The following GMCL1 variants were observed in gnomAD, a reference collection of about 807,000 sequenced individuals.
GMCL1 encodes the protein germ cell-less protein-like 1.
Under a neutral mutation model 75.5 loss-of-function variants are expected in GMCL1, and 54 were observed. The observed-to-expected ratio is 0.71, with a 90% CI of 0.57 to 0.90. The LOEUF (loss-of-function observed/expected upper bound fraction) is 0.90. Among genes scored for constraint, GMCL1 ranks in the 40% least tolerant of loss-of-function variants. The pLI, the probability that GMCL1 is intolerant of heterozygous loss-of-function variation, is 0.00. For synonymous variants in GMCL1, 210 were observed against 209.6 expected, an observed-to-expected ratio of 1.00 and a Z score of -0.02; for missense variants, 537 against 622.7, an observed-to-expected ratio of 0.86 and a Z score of 1.47.
At chr2:69,845,858 A>G (rs781429513) in intron 6 of GMCL1, among the ~76,000 whole-genome samples, 2 of 152,166 alleles carry the variant, frequency 1.3e-5, no homozygotes, top group Non-Finnish European at 2.9e-5. Context: ...TTCTGAGACA[A>G]GGATACAAAT....
chr2:69,845,647 T>G (rs1164581571), intron 6 of GMCL1, among the ~76,000 whole-genome samples: 7 of 152,328 alleles, frequency 4.6e-5, no homozygotes, highest in Admixed American at 3.9e-4. Flanking sequence ...GACTGTCCTT[T>G]ATATGTAAAG....
chr2:69,879,008 T>C lies in GMCL1; in HGVS notation c.*4T>C, dbSNP rs187711346. The C allele has an allele frequency of 4.3e-5, 66 of 1,544,884 alleles. No individual in the cohort carries two copies. In the African/African-American group the frequency reaches 7.8e-4, roughly 18 times the overall value. ...ATCACCAGAAAAAAAGAATTGAAAA[T>C]AATCGTCACCCAGAAAATCCAGAAA... On this transcript the variant is annotated 3_prime_UTR_variant, in exon 14 of 14. Transcript: ENST00000282570.
intron 11 of GMCL1, 142 bp downstream of exon 11, chr2:69,865,117 A>G (rs1675773510): frequency 1.7e-6 from 1 of 575,848 alleles, no homozygotes. Flanking sequence ...TCTGCTGGGA[A>G]AGTAGTTACA....
intron 1 of GMCL1, among the ~76,000 whole-genome samples, chr2:69,836,597 G>T (rs965621909): frequency 3.3e-5 from 5 of 152,174 alleles, no homozygotes; most frequent in Admixed American, 3.3e-4. Flanking sequence ...GCCAATTCAG[G>T]ATGTCATCTG....
At chr2:69,873,726 C>G (rs1573375778) in intron 13 of GMCL1, 1 of 168,212 alleles carries the variant, frequency 5.9e-6, no homozygotes, top group African/African-American at 2.4e-5. Flanking sequence ...TTTTTGACCT[C>G]GACATCCACA....
chr2:69,874,203 A>T (rs892615379), intron 13 of GMCL1, among the ~76,000 whole-genome samples: 2 of 152,072 alleles, frequency 1.3e-5, no homozygotes, highest in African/African-American at 4.8e-5. Context: ...TGGTGCATAC[A>T]ATTTTCTAAT....
At chr2:69,866,508 G>A (rs1014735757) in intron 11 of GMCL1, among the ~76,000 whole-genome samples, 3 of 151,908 alleles carry the variant, frequency 2.0e-5, no homozygotes, top group East Asian at 3.9e-4. Flanking sequence ...TCACTGTGTC[G>A]CCCAGGTTGG....
At chr2:69,842,437 C>G (rs1010399278) in intron 4 of GMCL1, among the ~76,000 whole-genome samples, 5 of 152,152 alleles carry the variant, frequency 3.3e-5, no homozygotes, top group Admixed American at 1.3e-4. Flanking sequence ...TCAATACTTA[C>G]TTCCAATAAG....
Position 69,834,872 on chromosome 2 carries a change from G to T in GMCL1, c.261-2675G>T, listed in dbSNP as rs551123255. 2.6e-5 allele frequency among the ~76,000 whole-genome samples: 4 copies of T among 152,148 alleles called. No individual in the cohort carries two copies. In the East Asian group the frequency reaches 5.8e-4, roughly 22 times the overall value. ...ATTTTGGATTTCTTGGATTATGCCT[G>T]TCTCTTCTTTTTTCCTTTCTTTGTC... On this transcript the variant is annotated intron_variant, in intron 1 of 13. Transcript: ENST00000282570.
intron 4 of GMCL1, chr2:69,842,825 T>C: frequency 6.0e-6 from 1 of 165,652 alleles, no homozygotes; most frequent in South Asian, 1.7e-4. Flanking sequence ...GACAAAATGC[T>C]GCTAAAGAAA....
chr2:69,867,471 C>G (rs1675853589), intron 11 of GMCL1, among the ~76,000 whole-genome samples: 1 of 152,152 alleles, frequency 6.6e-6, no homozygotes, highest in Admixed American at 6.5e-5. Context: ...AGCTCATTCT[C>G]TCTAGCACCT....
intron 9 of GMCL1, among the ~76,000 whole-genome samples, chr2:69,860,300 T>A (rs1205258945): frequency 6.6e-6 from 1 of 152,168 alleles, no homozygotes; most frequent in Non-Finnish European, 1.5e-5. Flanking sequence ...CCTACTCTTA[T>A]TTTTAATCTG....
At chr2:69,849,529 C>T (rs897186008) in intron 7 of GMCL1, 123 bp from the exon 8 acceptor site, 5 of 579,082 alleles carry the variant, frequency 8.6e-6, no homozygotes, top group Non-Finnish European at 1.5e-5. Flanking sequence ...CTTGCAATTG[C>T]TGGTAAAGTA....
At chr2:69,877,700 GTGTGTT>G (rs1459022329) in intron 13 of GMCL1, among the ~76,000 whole-genome samples, 18 of 78,516 alleles carry the variant, frequency 2.3e-4, no homozygotes, top group Non-Finnish European at 4.6e-4. Flanking sequence ...GAGAGAGATT[GTGTGTT>G]TGTGTGTGTG....
chr2:69,845,247 C>T (rs541972265), intron 6 of GMCL1, among the ~76,000 whole-genome samples: 5 of 152,350 alleles, frequency 3.3e-5, no homozygotes, highest in Admixed American at 1.3e-4. Flanking sequence ...CGCAGCACAG[C>T]GCAGAGCCAG....
chr2:69,843,314 CT>C, intron 5 of GMCL1, 53 bp downstream of exon 5: 1 of 915,472 alleles, frequency 1.1e-6, no homozygotes, highest in South Asian at 1.4e-5. Flanking sequence ...AATTTGGTTG[CT>C]TTAGTTTCTT....
chr2:69,871,713 G>T (rs762323213), intron 12 of GMCL1, 32 bp from the exon 13 acceptor site: 11 of 1,159,740 alleles, frequency 9.5e-6, no homozygotes, highest in African/African-American at 3.1e-5. Context: ...TAAAAATCTT[G>T]TGTTTATTTT....
At chr2:69,861,205 C>T in intron 9 of GMCL1, 73 bp from the exon 10 acceptor site, 3 of 1,094,170 alleles carry the variant, frequency 2.7e-6, no homozygotes, top group Non-Finnish European at 4.0e-6. Context: ...ACAATTTTGT[C>T]AACTATGAAT....
chr2:69,871,555 C>A (rs1435852289), intron 12 of GMCL1, among the ~76,000 whole-genome samples, 190 bp from the exon 13 acceptor site: 1 of 152,134 alleles, frequency 6.6e-6, no homozygotes, highest in Admixed American at 6.5e-5. Flanking sequence ...AATGATTTCT[C>A]TTGGCCAGAT....
Sources: allele counts gnomAD v4.1 joint callset (sites outside exome capture counted in the v4.1 genomes callset), GRCh38; gene constraint gnomAD v4.1.1; transcripts MANE v1.5; gene names NCBI Gene and HGNC (gene_info 2026-07-23, HGNC 2026-07-21).